The following RBMS3 variants were observed in gnomAD, a reference collection of about 807,000 sequenced individuals.
RBMS3 encodes the protein RNA-binding motif, single-stranded-interacting protein 3.
Under a neutral mutation model 66.8 loss-of-function variants are expected in RBMS3, and 27 were observed. The observed-to-expected ratio is 0.40, with a 90% CI of 0.30 to 0.56. The LOEUF is 0.56. Ranked by LOEUF, RBMS3 falls within the 20% of genes least tolerant of loss-of-function variation. RBMS3 has a pLI of 0.40. For missense variants in RBMS3, 513 were observed against 549.5 expected (o/e 0.93, Z 0.66); for synonymous variants, 188 against 183.0 (o/e 1.03, Z -0.22).
chr3:29,648,798 T>A (rs1462519595), intron 4 of RBMS3, among the ~76,000 whole-genome samples: 2 of 152,186 alleles, frequency 1.3e-5, no homozygotes, highest in Admixed American at 6.5e-5. Context: ...ATTAACAAAC[T>A]TGAAAAAGTC....
chr3:29,774,037 C>G (rs574425163), intron 6 of RBMS3, among the ~76,000 whole-genome samples: 1 of 152,064 alleles, frequency 6.6e-6, no homozygotes, highest in South Asian at 2.1e-4. Flanking sequence ...TTCTGGTGAA[C>G]CCAAACTAAG....
chr3:29,847,639 T>C (rs1457015722), intron 6 of RBMS3, among the ~76,000 whole-genome samples: 2 of 149,136 alleles, frequency 1.3e-5, no homozygotes, highest in South Asian at 2.1e-4. Context: ...TCCAATTTTG[T>C]GTTTTATTTT....
chr3:29,329,981 A>G (rs1457868745), intron 1 of RBMS3, among the ~76,000 whole-genome samples: 1 of 151,102 alleles, frequency 6.6e-6, no homozygotes, highest in East Asian at 1.9e-4. Flanking sequence ...AATCTTATTC[A>G]TTTCTCCAAC....
intron 10 of RBMS3, among the ~76,000 whole-genome samples, chr3:29,922,034 T>TA (rs540014310): frequency 2.6e-4 from 39 of 152,060 alleles, no homozygotes; most frequent in Admixed American, 1.2e-3. Context: ...AATTTCAGAC[T>TA]AAAAAAAAGA....
At chr3:29,641,180 T>C (rs1403645513) in intron 4 of RBMS3, 1 of 152,182 alleles carries the variant, frequency 6.6e-6, no homozygotes, top group Non-Finnish European at 1.5e-5. Context: ...AATCTATTCA[T>C]ACATATTGTA....
At chr3:29,834,296 TA>T (rs1207605106) in intron 6 of RBMS3, among the ~76,000 whole-genome samples, 2 of 152,200 alleles carry the variant, frequency 1.3e-5, no homozygotes, top group African/African-American at 4.8e-5. Context: ...AGCAAATTCA[TA>T]ATACTCTAAT....
intron 1 of RBMS3, among the ~76,000 whole-genome samples, chr3:29,322,985 C>T (rs1374729462): frequency 2.6e-5 from 4 of 152,080 alleles, no homozygotes; most frequent in African/African-American, 9.7e-5. Context: ...ATACAGTGTG[C>T]CAAGAACGCA....
chr3:29,585,030 T>G (rs1364589471), intron 3 of RBMS3, among the ~76,000 whole-genome samples: 1 of 152,186 alleles, frequency 6.6e-6, no homozygotes, highest in African/African-American at 2.4e-5. Context: ...TATATTCATT[T>G]GTATGGTTAT....
intron 10 of RBMS3, among the ~76,000 whole-genome samples, chr3:29,908,203 A>G (rs1577116723): frequency 6.6e-6 from 1 of 152,092 alleles, no homozygotes; most frequent in African/African-American, 2.4e-5. Flanking sequence ...GTAAGCCAAG[A>G]TCACACCACT....
At chr3:29,463,755 A>G (rs2042448179) in intron 2 of RBMS3, among the ~76,000 whole-genome samples, 1 of 152,142 alleles carries the variant, frequency 6.6e-6, no homozygotes, top group South Asian at 2.1e-4. Flanking sequence ...CTCATTACTT[A>G]AAAATACACT....
intron 1 of RBMS3, among the ~76,000 whole-genome samples, chr3:29,346,099 A>T (rs1209269596): frequency 6.6e-6 from 1 of 152,322 alleles, no homozygotes; most frequent in African/African-American, 2.4e-5. Context: ...CGTTCAAGAA[A>T]CAAAGGGAAT....
chr3:29,327,804 G>A (rs1251307903), intron 1 of RBMS3, among the ~76,000 whole-genome samples: 1 of 152,038 alleles, frequency 6.6e-6, no homozygotes, highest in Non-Finnish European at 1.5e-5. Flanking sequence ...CCTAATAAAA[G>A]CTTGTATTTA....
At chr3:29,366,543 G>C (rs961064524) in intron 1 of RBMS3, among the ~76,000 whole-genome samples, 3 of 125,242 alleles carry the variant, frequency 2.4e-5, no homozygotes, top group African/African-American at 8.5e-5. Context: ...ACCAGGCTGA[G>C]CTAATTTTTA....
chr3:29,632,529 G>A (rs748392975), intron 4 of RBMS3, among the ~76,000 whole-genome samples: 15 of 151,834 alleles, frequency 9.9e-5, no homozygotes, highest in Non-Finnish European at 1.8e-4. Flanking sequence ...GGGCATTTGA[G>A]TATCTTGGCA....
At chr3:29,594,108 T>A (rs1262741963) in intron 4 of RBMS3, among the ~76,000 whole-genome samples, 3 of 152,198 alleles carry the variant, frequency 2.0e-5, no homozygotes, top group African/African-American at 7.2e-5. Flanking sequence ...TAATTTAAAA[T>A]AGACCAGACT....
chr3:29,385,097 A>G (rs935565273), intron 1 of RBMS3, among the ~76,000 whole-genome samples: 1 of 152,222 alleles, frequency 6.6e-6, no homozygotes, highest in Non-Finnish European at 1.5e-5. Context: ...CTCTTCAGTG[A>G]GTGGTTAGTC....
intron 5 of RBMS3, among the ~76,000 whole-genome samples, chr3:29,751,264 C>G (rs1468980579): frequency 6.6e-6 from 1 of 152,170 alleles, no homozygotes; most frequent in African/African-American, 2.4e-5. Flanking sequence ...GTTATCAATA[C>G]TAAAGCTAAT....
At chr3:29,796,720 T>TTTTTTTTTTTTTTTTTTTTTTG (rs1275217646) in intron 6 of RBMS3, among the ~76,000 whole-genome samples, 1 of 146,142 alleles carries the variant, frequency 6.8e-6, no homozygotes, top group African/African-American at 2.6e-5. Flanking sequence ...ATCTTTTTTT[T>TTTTTTTTTTTTTTTTTTTTTTG]TTTTTTTTTG....
intron 1 of RBMS3, among the ~76,000 whole-genome samples, chr3:29,303,799 T>C (rs578016673): frequency 2.0e-5 from 3 of 152,106 alleles, no homozygotes; most frequent in African/African-American, 7.2e-5. Flanking sequence ...GATACAGAGA[T>C]AACCGACACT....
Sources: gnomAD v4.1 joint callset for allele counts (sites outside exome capture counted in the v4.1 genomes callset) on GRCh38, gnomAD v4.1.1 for gene constraint, MANE v1.5 for transcripts, NCBI Gene and HGNC (gene_info 2026-07-23, HGNC 2026-07-21) for gene names.